The following FHOD1 variants were observed in gnomAD, a reference collection of about 807,000 sequenced individuals.
FHOD1 encodes the protein FH1/FH2 domain-containing protein 1.
A neutral mutation model predicts 111.6 loss-of-function variants in FHOD1; 89 were observed. The observed-to-expected ratio is 0.80, with a 90% CI of 0.67 to 0.95. FHOD1 has a LOEUF of 0.95. FHOD1 is among the 40% of genes least tolerant of loss of function. FHOD1 has a pLI of 0.00. For synonymous variants in FHOD1, 618 were observed against 639.0 expected, an observed-to-expected ratio of 0.97 and a Z score of 0.50; for missense variants, 1,446 against 1,554.2, an observed-to-expected ratio of 0.93 and a Z score of 1.17.
At chr16:67,241,130 ACCCCCGCCTG>A (rs2142299191) in intron 1 of FHOD1, among the ~76,000 whole-genome samples, 1 of 81,202 alleles carries the variant, frequency 1.2e-5, no homozygotes, top group African/African-American at 5.1e-5. Context: ...CCCCCCGCCC[ACCCCCGCCTG>A]GGACCTGGGA....
chr16:67,237,043 C>G lies in FHOD1; in HGVS notation c.1065G>C (p.Lys355Asn). The change falls in exon 10 of 22, where the codon AAG becomes AAC. Residue 355 changes from lysine to asparagine, a missense_variant. By Grantham distance (94) the Lys-to-Asn change is moderately conservative. Transcript: ENST00000258201. This position sits in a 1 kb window ranked among gnomAD's most constrained non-coding sequence, Gnocchi z 5.6. ...PGAGGRRERR[K>N]PSSEEGKRSR... ...TCCTCTTGCCCTCCTCAGAAGAAGGCTTTCGTCGTTCCCGCCGCCCACCAG... is the reference window on the plus strand; with the variant it reads ...TCCTCTTGCCCTCCTCAGAAGAAGGGTTTCGTCGTTCCCGCCGCCCACCAG... 6.2e-7 allele frequency: 1 copy of G among 1,613,326 alleles called. No homozygotes were observed. Among genetic ancestry groups the G allele is most frequent in the South Asian group, 1.1e-5 (1 of 91,016 alleles).
chr16:67,238,857 T>C lies in FHOD1; in HGVS notation c.373+46A>G. On this transcript the variant is annotated intron_variant, in intron 3 of 21. Coordinates refer to ENST00000258201, the MANE Select transcript of FHOD1 (RefSeq NM_013241.3). This position sits in a 1 kb window ranked among gnomAD's most constrained non-coding sequence, Gnocchi z 4.2. ...AGGCCTGAAGGTGAGCCAACTGGGC[T>C]ATGGGGAGGAGGTGCTGCTGGACAT... The C allele has an allele frequency of 1.9e-6, 3 of 1,594,548 alleles. No individual in the cohort carries two copies. The highest frequency in any genetic ancestry group is 2.6e-6 in the Non-Finnish European group (3 of 1,162,106).
chr16:67,246,924 T>C (rs2034866367), intron 1 of FHOD1: 1 of 449,812 alleles, frequency 2.2e-6, no homozygotes, highest in Admixed American at 4.2e-5. Flanking sequence ...GAAGCCACCC[T>C]GGCAGACCGA....
Position 67,238,835 on chromosome 16 carries a change from C to G in FHOD1, c.373+68G>C. ...TACTTTGCTCACTGTTCAGCACAGGCCTGAAGGTGAGCCAACTGGGCTATG... is the reference window on the plus strand; with the variant it reads ...TACTTTGCTCACTGTTCAGCACAGGGCTGAAGGTGAGCCAACTGGGCTATG... On this transcript the variant is annotated intron_variant, in intron 3 of 21. Transcript: ENST00000258201. The surrounding 1 kb of genome is among the most constrained non-coding windows in gnomAD (Gnocchi z 4.2). The G allele has an allele frequency of 6.7e-7, 1 of 1,494,262 alleles. No individual in the cohort carries two copies. The highest frequency in any genetic ancestry group is 9.3e-7 in the Non-Finnish European group (1 of 1,070,614). 92.6% of individuals were successfully genotyped at this position (1,494,262 alleles called of 1,614,324 possible).
rs1026047552 is a variant in FHOD1, at chr16:67,238,592, T to C, written c.374-145A>G. On this transcript the variant is annotated intron_variant, in intron 3 of 21. Coordinates refer to ENST00000258201, the MANE Select transcript of FHOD1 (RefSeq NM_013241.3). The surrounding 1 kb of genome is among the most constrained non-coding windows in gnomAD (Gnocchi z 4.2). ...CAGGGTCTCACTCTGTCACTCAGGC[T>C]GGAGTGTGGAGTGCAGTGGCACAGT... 2.9e-4 allele frequency: 229 copies of C among 801,870 alleles called. No homozygotes were observed. The highest frequency in any genetic ancestry group is 3.1e-4 in the Non-Finnish European group (148 of 481,950). The allele number at this position is 801,870 out of a possible 1,614,324, so 49.7% of individuals were successfully genotyped here. A position where few individuals can be genotyped will look rare whatever the true frequency, so the allele number is the denominator to read the frequency against.
chr16:67,237,033 CAGA>C lies in FHOD1; in HGVS notation c.1072_1074del (p.Ser358del), dbSNP rs376218974. 2.5e-5 allele frequency: 40 copies of C among 1,613,080 alleles called. No homozygotes were observed. Among genetic ancestry groups the C allele is most frequent in the African/African-American group, 4.0e-5 (3 of 74,914 alleles). On this transcript the variant is annotated inframe_deletion, in exon 10 of 22. Coordinates refer to ENST00000258201, the MANE Select transcript of FHOD1 (RefSeq NM_013241.3). The surrounding 1 kb of genome is among the most constrained non-coding windows in gnomAD (Gnocchi z 5.6). Reference sequence around the variant, plus strand: ...GAACGGCGGCTCCTCTTGCCCTCCTCAGAAGAAGGCTTTCGTCGTTCCCGCCGC... The same window carrying C: ...GAACGGCGGCTCCTCTTGCCCTCCTCAGAAGGCTTTCGTCGTTCCCGCCGC...
chr16:67,239,296 C>G (rs1420715187), intron 2 of FHOD1, 52 bp downstream of exon 2: 7 of 1,393,062 alleles, frequency 5.0e-6, no homozygotes, highest in South Asian at 1.2e-5. Flanking sequence ...TTTGAGCTAG[C>G]CCCTGGCAAG....
rs2034481866 is a variant in FHOD1 at position 67,236,531 on chromosome 16, A to T, written c.1319+26T>A. ...GAGGGACAATGGGAGAGAGGACTCC[A>T]GGGTGGCCTCTGTCTCCCTACTTAC... On this transcript the variant is annotated intron_variant, in intron 11 of 21. Transcript: ENST00000258201. 1.9e-6 allele frequency: 3 copies of T among 1,606,570 alleles called. No homozygotes were observed. In the African/African-American group the frequency reaches 4.0e-5, roughly 21 times the overall value.
chr16:67,229,447 C>G lies in FHOD1; in HGVS notation c.*189G>C. ...TGCGTTCAAGGAGCTCACACACATG[C>G]ACATGCATATGCATGCACACACACA... On this transcript the variant is annotated 3_prime_UTR_variant, in exon 22 of 22. Transcript: ENST00000258201. 1 of 620,598 alleles carries G rather than the reference C, an allele frequency of 1.6e-6. No homozygotes were observed. Among genetic ancestry groups the G allele is most frequent in the Non-Finnish European group, 2.9e-6 (1 of 344,872 alleles). The allele number at this position is 620,598 out of a possible 1,614,324, so 38.4% of individuals were successfully genotyped here.
Position 67,237,174 on chromosome 16 carries a change from C to T in FHOD1, c.994-60G>A. On this transcript the variant is annotated intron_variant, in intron 9 of 21. Coordinates refer to ENST00000258201, the MANE Select transcript of FHOD1 (RefSeq NM_013241.3). The surrounding 1 kb of genome is among the most constrained non-coding windows in gnomAD (Gnocchi z 5.6). The stretch of plus-strand genomic sequence containing the variant: ...TAACGTGTATGCAGGTGGGGTGGGG[C>T]GCTGGGGACTGCGCTTCTCTCTTCC... The T allele has an allele frequency of 1.2e-6, 2 of 1,601,814 alleles. No individual in the cohort carries two copies. Among genetic ancestry groups the T allele is most frequent in the South Asian group, 1.1e-5 (1 of 90,016 alleles).
chr16:67,239,664 G>A lies in FHOD1; in HGVS notation c.202-210C>T, dbSNP rs185128276. On this transcript the variant is annotated intron_variant, in intron 1 of 21. Transcript: ENST00000258201. ...CACCAGGCTTTCTTGGCCTTTGTTT[G>A]TACCATCTCCTCTCCTGGCTGATAC... Among the ~76,000 whole-genome samples the A allele has an allele frequency of 3.3e-4, 51 of 152,286 alleles. 1 individual carries two copies. The East Asian group carries it at 6.9e-3, about 21-fold the overall frequency.
chr16:67,231,211 G>C lies in FHOD1; in HGVS notation c.2644C>G (p.Pro882Ala), dbSNP rs2034255046. 17 of 1,614,192 alleles carry C rather than the reference G, an allele frequency of 1.1e-5. No homozygotes were observed. The highest frequency in any genetic ancestry group is 1.6e-4 in the Middle Eastern group (1 of 6,062). The change falls in exon 17 of 22, where the codon CCT (proline) becomes GCT (alanine). Residue 882 changes from proline (P) to alanine (A), a missense_variant. Around this residue, in one of 3 missense-constraint regions of FHOD1, gnomAD observed 1,085 missense variants for 1,108.8 expected, o/e 0.98. Transcript: ENST00000258201. This position sits in a 1 kb window ranked among gnomAD's most constrained non-coding sequence, Gnocchi z 4.3. ...ACCTTGGCACAGCGGGTCAGGGCAG[G>C]GATTTCTGAATAGAGGTCAGAGGAC... The part of the protein sequence containing the change: ...PESSDLYSEI[P>A]ALTRCAKVDF...
intron 1 of FHOD1, among the ~76,000 whole-genome samples, chr16:67,245,710 A>G (rs987485396): frequency 2.0e-5 from 3 of 151,018 alleles, no homozygotes; most frequent in Non-Finnish European, 3.0e-5. Flanking sequence ...GCCCCACTGT[A>G]CTCCAGCCTG....
intron 1 of FHOD1, 42 bp from the exon 2 acceptor site, chr16:67,239,496 G>T: frequency 1.4e-6 from 2 of 1,478,552 alleles, no homozygotes; most frequent in Non-Finnish European, 1.9e-6. Flanking sequence ...GGAAGAGGTG[G>T]CAGGCGAATG....
Position 67,234,035 on chromosome 16 carries a change from GTCCTGGTCTTCA to G in FHOD1, c.1656_1667del (p.Glu553_Asp556del), listed in dbSNP as rs1264013190. ...CCTCCACAGACTCTACATTCAGCAT[GTCCTGGTCTTCA>G]TCCTCCCCTAGATCTGAAAAGTCCA... is the stretch of plus-strand genomic sequence containing the variant. On this transcript the variant is annotated inframe_deletion, in exon 13 of 22. Coordinates refer to ENST00000258201, the MANE Select transcript of FHOD1 (RefSeq NM_013241.3). 6.2e-7 allele frequency: 1 copy of G among 1,613,812 alleles called. No homozygotes were observed. The highest frequency in any genetic ancestry group is 8.5e-7 in the Non-Finnish European group (1 of 1,179,988).
rs996907960 is a variant in FHOD1, at chr16:67,234,280, A to T, written c.1436-13T>A. ...AGTTGCCGGGCATCTAAAGAAAGGGAAGGAGCTGTCAGTGCCATGCCCCCT... is the reference window on the plus strand; with the variant it reads ...AGTTGCCGGGCATCTAAAGAAAGGGTAGGAGCTGTCAGTGCCATGCCCCCT... On this transcript the variant is annotated splice_polypyrimidine_tract_variant and intron_variant, in intron 12 of 21. Coordinates refer to ENST00000258201, the MANE Select transcript of FHOD1 (RefSeq NM_013241.3). The T allele has an allele frequency of 1.3e-5, 20 of 1,579,436 alleles. No homozygotes were observed. Among genetic ancestry groups the T allele is most frequent in the Non-Finnish European group, 1.7e-5 (20 of 1,159,278 alleles).
At chr16:67,244,408 G>A (rs957010943) in intron 1 of FHOD1, among the ~76,000 whole-genome samples, 25 of 152,102 alleles carry the variant, frequency 1.6e-4, no homozygotes, top group African/African-American at 6.0e-4. Flanking sequence ...AGGGGAGGAA[G>A]GCACTCCTGA....
chr16:67,236,757 G>T, intron 10 of FHOD1, 24 bp from the exon 11 acceptor site: 1 of 1,493,042 alleles, frequency 6.7e-7, no homozygotes, highest in Middle Eastern at 2.4e-4. Context: ...CTGTCAGTGG[G>T]GCGGGGCCTG....
At chr16:67,246,776 C>T (rs1386325316) in intron 1 of FHOD1, 2 of 188,052 alleles carry the variant, frequency 1.1e-5, no homozygotes, top group East Asian at 1.6e-4. Context: ...CCTCTGCCAC[C>T]TCTAGTAGTC....
Sources: gnomAD v4.1 joint callset for allele counts (sites outside exome capture counted in the v4.1 genomes callset) on GRCh38, gnomAD v4.1.1 for gene constraint, gnomAD v4.1.1 regional missense constraint, Gnocchi (gnomAD v3.1) non-coding constraint, MANE v1.5 for transcripts, NCBI Gene and HGNC (gene_info 2026-07-23, HGNC 2026-07-21) for gene names.